AGBL4: variants seen among roughly 807,000 people sequenced by gnomAD.
The protein encoded by AGBL4 is cytosolic carboxypeptidase 6.
Under a neutral mutation model 66.4 loss-of-function variants are expected in AGBL4, and 58 were observed. The ratio of observed to expected loss-of-function variants is 0.87; its 90% CI spans 0.71 to 1.09. The LOEUF (loss-of-function observed/expected upper bound fraction) is 1.09, where lower values mean the gene tolerates loss of function less well. Ranked by LOEUF, AGBL4 falls within the 50% of genes least tolerant of loss-of-function variation. AGBL4 has a pLI of 0.00. For missense variants in AGBL4, 579 were observed against 631.0 expected (o/e 0.92, Z 0.88); for synonymous variants, 234 against 222.9 (o/e 1.05, Z -0.44).
chr1:49,790,511 T>A (rs901514930), intron 2 of AGBL4, among the ~76,000 whole-genome samples: 1 of 151,984 alleles, frequency 6.6e-6, no homozygotes, highest in Non-Finnish European at 1.5e-5. Context: ...AAAACAGATA[T>A]ACTGCCTGCA....
chr1:49,292,493 C>T (rs917266423), intron 3 of AGBL4, among the ~76,000 whole-genome samples: 3 of 152,190 alleles, frequency 2.0e-5, no homozygotes, highest in Admixed American at 6.5e-5. Flanking sequence ...AATCAGAGTG[C>T]ATCTTCTCCC....
At chr1:49,382,947 C>T (rs962848316) in intron 3 of AGBL4, among the ~76,000 whole-genome samples, 24 of 152,248 alleles carry the variant, frequency 1.6e-4, no homozygotes, top group African/African-American at 5.8e-4. Context: ...CAAATCCAGC[C>T]TGGACAACAT....
intron 3 of AGBL4, among the ~76,000 whole-genome samples, chr1:49,594,977 A>T (rs1302922473): frequency 6.6e-6 from 1 of 152,230 alleles, no homozygotes; most frequent in East Asian, 1.9e-4. Context: ...ACTAGTTTAC[A>T]GTCCCACCAA....
At chr1:49,528,263 T>C (rs1247067402) in intron 3 of AGBL4, among the ~76,000 whole-genome samples, 3 of 152,196 alleles carry the variant, frequency 2.0e-5, no homozygotes, top group East Asian at 3.9e-4. Context: ...GAGTGTCCAA[T>C]AAGTACTCAT....
chr1:49,262,321 A>C (rs571561679), intron 3 of AGBL4, among the ~76,000 whole-genome samples: 10 of 152,316 alleles, frequency 6.6e-5, no homozygotes, highest in African/African-American at 1.4e-4. Flanking sequence ...TAATTAAACT[A>C]AAGAGCTTCT....
intron 1 of AGBL4, among the ~76,000 whole-genome samples, chr1:49,917,660 C>A (rs1651699540): frequency 6.6e-6 from 1 of 152,066 alleles, no homozygotes; most frequent in Admixed American, 6.5e-5. Flanking sequence ...CCACTGTCAA[C>A]AACAGACAGA....
At chr1:49,106,095 ATC>A (rs1410620941) in intron 4 of AGBL4, among the ~76,000 whole-genome samples, 3 of 152,182 alleles carry the variant, frequency 2.0e-5, no homozygotes, top group Non-Finnish European at 4.4e-5. Context: ...GATTCAAAAT[ATC>A]TCTTTCTTTG....
intron 6 of AGBL4, among the ~76,000 whole-genome samples, chr1:48,827,870 G>C (rs1646461018): frequency 6.6e-6 from 1 of 151,926 alleles, no homozygotes; most frequent in Admixed American, 6.6e-5. Context: ...TATTGAAAAT[G>C]GGGGCCAGGA....
chr1:48,606,843 T>G lies in AGBL4; in HGVS notation c.952-15858A>C, dbSNP rs78814026. Among the ~76,000 whole-genome samples the G allele has an allele frequency of 3.5e-3, 527 of 152,296 alleles. 6 individuals carry two copies. The highest frequency in any genetic ancestry group is 0.012 in the African/African-American group (507 of 41,554). On this transcript the variant is annotated intron_variant, in intron 9 of 13. Coordinates refer to ENST00000371839, the MANE Select transcript of AGBL4 (RefSeq NM_032785.4). ...TGATCTATGAATAACAAGAGGAAACTATGCATACACCCTGGAAACTATATG... is the reference window on the plus strand; with the variant it reads ...TGATCTATGAATAACAAGAGGAAACGATGCATACACCCTGGAAACTATATG...
chr1:49,701,269 G>T (rs1021885202), intron 2 of AGBL4, among the ~76,000 whole-genome samples: 34 of 151,330 alleles, frequency 2.2e-4, no homozygotes, highest in African/African-American at 8.3e-4. Flanking sequence ...TCCAGCCTGG[G>T]TAACAGAGTG....
At chr1:49,932,714 C>T (rs889301045) in intron 1 of AGBL4, among the ~76,000 whole-genome samples, 1 of 152,070 alleles carries the variant, frequency 6.6e-6, no homozygotes, top group Non-Finnish European at 1.5e-5. Context: ...CCCCACAAAC[C>T]CTCCTAGACA....
At chr1:48,855,876 T>G (rs1179855419) in intron 6 of AGBL4, among the ~76,000 whole-genome samples, 2 of 152,042 alleles carry the variant, frequency 1.3e-5, no homozygotes, top group Admixed American at 1.3e-4. Context: ...TTTAGGATAA[T>G]AAACCAAAAT....
At chr1:49,045,869 T>G in intron 4 of AGBL4, 69 bp from the exon 5 acceptor site, 1 of 1,286,264 alleles carries the variant, frequency 7.8e-7, no homozygotes, top group Non-Finnish European at 1.1e-6. Context: ...GTAATACATA[T>G]AAATCAATGC....
At chr1:49,046,726 C>T (rs754789108) in intron 4 of AGBL4, among the ~76,000 whole-genome samples, 7 of 152,184 alleles carry the variant, frequency 4.6e-5, no homozygotes, top group Non-Finnish European at 8.8e-5. Context: ...ATGATACTAA[C>T]TACATGGACA....
chr1:49,803,141 A>G (rs1644903147), intron 2 of AGBL4, among the ~76,000 whole-genome samples: 2 of 151,570 alleles, frequency 1.3e-5, no homozygotes, highest in Admixed American at 1.3e-4. Context: ...AATCTTATTT[A>G]ATAAAACTTT....
rs535336889 is a variant in AGBL4, at chr1:49,587,976, T to C, written c.282+109337A>G. Among the ~76,000 whole-genome samples, 34 of 152,230 alleles carry C rather than the reference T, an allele frequency of 2.2e-4. 1 individual carries two copies. In the South Asian group the frequency reaches 7.0e-3, roughly 32 times the overall value. On this transcript the variant is annotated intron_variant, in intron 3 of 13. Coordinates refer to ENST00000371839, the MANE Select transcript of AGBL4 (RefSeq NM_032785.4). The stretch of plus-strand genomic sequence containing the variant: ...CTAAATTCTTAATCAGGCCACATCA[T>C]TTCCTTCTTAAAATCTCTCAATGAT...
chr1:49,693,267 C>T (rs1318189233), intron 3 of AGBL4, among the ~76,000 whole-genome samples: 1 of 152,126 alleles, frequency 6.6e-6, no homozygotes, highest in Non-Finnish European at 1.5e-5. Flanking sequence ...ATCATTTCCT[C>T]TCATAGGAAT....
intron 2 of AGBL4, among the ~76,000 whole-genome samples, chr1:49,776,687 G>T (rs1319931759): frequency 2.0e-5 from 3 of 151,962 alleles, no homozygotes; most frequent in Non-Finnish European, 4.4e-5. Context: ...TTCATCAAAG[G>T]AGGTCTTTTC....
chr1:49,703,803 T>C (rs1199303555), intron 2 of AGBL4, among the ~76,000 whole-genome samples: 1 of 152,024 alleles, frequency 6.6e-6, no homozygotes. Context: ...ATGAGAGTGT[T>C]ATTTACATAG....
Sources: allele counts gnomAD v4.1 joint callset (sites outside exome capture counted in the v4.1 genomes callset), GRCh38; gene constraint gnomAD v4.1.1; transcripts MANE v1.5; gene names NCBI Gene and HGNC (gene_info 2026-07-23, HGNC 2026-07-21).